Variants in PTPRD observed in about 807,000 individuals in gnomAD.
PTPRD encodes receptor-type tyrosine-protein phosphatase delta.
A neutral mutation model predicts 214.5 loss-of-function variants in PTPRD; 34 were observed. The ratio of observed to expected loss-of-function variants is 0.16; its 90% confidence interval spans 0.12 to 0.21. PTPRD has a LOEUF of 0.21. Ranked by LOEUF, PTPRD falls within the 10% of genes least tolerant of loss-of-function variation. The pLI, the probability that PTPRD is intolerant of heterozygous loss-of-function variation, is 1.00. For missense variants in PTPRD, 2,545 were observed against 2,398.7 expected (o/e 1.06, Z -1.27); for synonymous variants, 1,128 against 845.7 (o/e 1.33, Z -5.79).
At chr9:9,616,732 G>T (rs1202421625) in intron 7 of PTPRD, among the ~76,000 whole-genome samples, 2 of 152,056 alleles carry the variant, frequency 1.3e-5, no homozygotes, top group African/African-American at 4.8e-5. Context: ...TCCACCCCTT[G>T]TTTAGCATAT....
chr9:9,149,669 AAAGTT>A (rs1463153739), intron 10 of PTPRD, among the ~76,000 whole-genome samples: 1 of 152,128 alleles, frequency 6.6e-6, no homozygotes, highest in Non-Finnish European at 1.5e-5. Flanking sequence ...TATGAAAAGT[AAAGTT>A]ATCTCACTTA....
At chr9:8,379,377 C>T (rs1487369460) in intron 37 of PTPRD, among the ~76,000 whole-genome samples, 1 of 151,906 alleles carries the variant, frequency 6.6e-6, no homozygotes, top group Non-Finnish European at 1.5e-5. Flanking sequence ...TCTGAGTAGC[C>T]TGCACACCTT....
intron 5 of PTPRD, among the ~76,000 whole-genome samples, chr9:9,888,368 A>G (rs2071791247): frequency 6.6e-6 from 1 of 152,146 alleles, no homozygotes; most frequent in African/African-American, 2.4e-5. Flanking sequence ...CTGCCATCAT[A>G]TTGTGAGGCG....
rs1042386040 is a variant in PTPRD at position 10,601,909 on chromosome 9, T to C, written c.-600+10489A>G. On this transcript the variant is annotated intron_variant, in intron 2 of 45. Coordinates refer to ENST00000381196, the MANE Select transcript of PTPRD (RefSeq NM_002839.4). ...TTCATTGAATTTTCTTAACAAGTAA[T>C]CAGAAGACCTTAGGGAAGAAAGGAG... 4.6e-5 allele frequency among the ~76,000 whole-genome samples: 7 copies of C among 151,692 alleles called. No individual in the cohort carries two copies. In the East Asian group the frequency reaches 1.4e-3, roughly 30 times the overall value.
intron 12 of PTPRD, among the ~76,000 whole-genome samples, chr9:8,673,129 T>G (rs1030501065): frequency 6.8e-6 from 1 of 146,068 alleles, no homozygotes; most frequent in Non-Finnish European, 1.5e-5. Context: ...TATTAGCTGA[T>G]TTTTTTTTTT....
chr9:8,777,945 G>T (rs1040620158), intron 11 of PTPRD, among the ~76,000 whole-genome samples: 2 of 152,134 alleles, frequency 1.3e-5, no homozygotes, highest in Non-Finnish European at 2.9e-5. Flanking sequence ...CCATCCTGAG[G>T]TATTTATTAA....
chr9:10,144,252 A>C lies in PTPRD; in HGVS notation c.-544-110462T>G, dbSNP rs186658574. On this transcript the variant is annotated intron_variant, in intron 3 of 45. Transcript: ENST00000381196. Reference sequence around the variant, plus strand: ...GCAGTCATTATAAACTATTTCAAAAAATTCTTTAATACTCTTCTCTCCAAA... The same window carrying C: ...GCAGTCATTATAAACTATTTCAAAACATTCTTTAATACTCTTCTCTCCAAA... 3.3e-3 allele frequency among the ~76,000 whole-genome samples: 500 copies of C among 152,206 alleles called. 4 individuals are homozygous for C. The highest frequency in any genetic ancestry group is 0.01 in the African/African-American group (430 of 41,526).
chr9:8,519,940 A>T (rs1040978939), intron 20 of PTPRD, among the ~76,000 whole-genome samples: 3 of 152,228 alleles, frequency 2.0e-5, no homozygotes, highest in African/African-American at 7.2e-5. Context: ...ATTATAAAAA[A>T]GGTGATTCAA....
chr9:9,173,704 C>G (rs1054304852), intron 10 of PTPRD, among the ~76,000 whole-genome samples: 1 of 152,122 alleles, frequency 6.6e-6, no homozygotes, highest in Non-Finnish European at 1.5e-5. Flanking sequence ...TATGCTCTTA[C>G]AGGACCACTG....
At chr9:8,646,317 T>C (rs1046217477) in intron 12 of PTPRD, among the ~76,000 whole-genome samples, 9 of 152,214 alleles carry the variant, frequency 5.9e-5, no homozygotes, top group Non-Finnish European at 1.0e-4. Flanking sequence ...TCTTTGAGTT[T>C]TGTTTTCTAA....
chr9:9,145,882 C>G (rs924339825), intron 10 of PTPRD, among the ~76,000 whole-genome samples: 2 of 152,114 alleles, frequency 1.3e-5, no homozygotes, highest in Non-Finnish European at 2.9e-5. Flanking sequence ...CAAATCACAT[C>G]GAAGGAAAGG....
At chr9:10,179,481 C>T (rs1397878502) in intron 3 of PTPRD, among the ~76,000 whole-genome samples, 1 of 151,846 alleles carries the variant, frequency 6.6e-6, no homozygotes. Flanking sequence ...CCTAAATGTC[C>T]AGAATAATAA....
intron 6 of PTPRD, among the ~76,000 whole-genome samples, chr9:9,750,555 G>T (rs578143686): frequency 4.6e-5 from 7 of 152,116 alleles, no homozygotes; most frequent in African/African-American, 1.7e-4. Context: ...TAAAGCAAAG[G>T]GTGAGCCCAA....
intron 14 of PTPRD, among the ~76,000 whole-genome samples, chr9:8,622,110 T>A (rs1340368193): frequency 2.6e-5 from 4 of 151,702 alleles, no homozygotes. Flanking sequence ...CAAAAAAGAA[T>A]CATAAAAAAT....
intron 15 of PTPRD, among the ~76,000 whole-genome samples, chr9:8,527,795 G>C (rs1443271015): frequency 6.6e-6 from 1 of 152,082 alleles, no homozygotes; most frequent in Non-Finnish European, 1.5e-5. Flanking sequence ...AAGGAGAAAA[G>C]GGTAAAGAGA....
intron 11 of PTPRD, among the ~76,000 whole-genome samples, chr9:8,941,072 G>T (rs1265823284): frequency 6.6e-6 from 1 of 152,052 alleles, no homozygotes; most frequent in African/African-American, 2.4e-5. Flanking sequence ...CCCATCTCAA[G>T]AAATCATTTG....
intron 2 of PTPRD, among the ~76,000 whole-genome samples, chr9:10,443,983 G>C (rs571594328): frequency 6.6e-6 from 1 of 151,590 alleles, no homozygotes; most frequent in African/African-American, 2.4e-5. Context: ...ACTGAGTGCT[G>C]ATTGTGGCTT....
intron 4 of PTPRD, among the ~76,000 whole-genome samples, chr9:9,964,582 C>T (rs983011307): frequency 6.6e-6 from 1 of 152,122 alleles, no homozygotes; most frequent in Non-Finnish European, 1.5e-5. Context: ...AGGAGTGGGG[C>T]AAATCTACTT....
In PTPRD at chr9:8,315,548, C is replaced by T; in HGVS notation, c.*2326G>A. 4.3e-6 allele frequency: 1 copy of T among 231,304 alleles called. No homozygotes were observed. Among genetic ancestry groups the T allele is most frequent in the East Asian group, 6.1e-5 (1 of 16,378 alleles). 14.3% of individuals were successfully genotyped at this position (231,304 alleles called of 1,614,324 possible). A position where few individuals can be genotyped will look rare whatever the true frequency, so the allele number is the denominator to read the frequency against. ...TAAAAGAAAATAATGATAACAGACC[C>T]ACATAGTGCACATTCTTCTCTGGTT... On this transcript the variant is annotated 3_prime_UTR_variant, in exon 46 of 46. Transcript: ENST00000381196.
Sources: gnomAD v4.1 joint callset for allele counts (sites outside exome capture counted in the v4.1 genomes callset) on GRCh38, gnomAD v4.1.1 for gene constraint, MANE v1.5 for transcripts, NCBI Gene and HGNC (gene_info 2026-07-23, HGNC 2026-07-21) for gene names.